The following FHOD3 variants were observed in gnomAD, a reference collection of about 807,000 sequenced individuals.
FHOD3 encodes the protein formin homology 2 domain containing 3.
In FHOD3, 90 loss-of-function variants were observed where a neutral mutation model predicts 173.0. The observed-to-expected ratio is 0.52, with a 90% confidence interval of 0.44 to 0.62. The LOEUF is 0.62. FHOD3 is among the 20% of genes least tolerant of loss of function. The pLI, the probability that FHOD3 is intolerant of heterozygous loss-of-function variation, is 0.00. For synonymous variants in FHOD3, 828 were observed against 823.0 expected, an observed-to-expected ratio of 1.01 and a Z score of -0.10; for missense variants, 1,945 against 2,034.7, an observed-to-expected ratio of 0.96 and a Z score of 0.85.
At chr18:36,406,095 GT>G (rs869207082) in intron 3 of FHOD3, among the ~76,000 whole-genome samples, 2 of 120,066 alleles carry the variant, frequency 1.7e-5, no homozygotes, top group South Asian at 3.3e-4. Flanking sequence ...TTTTGTTTTT[GT>G]TTTTTTGTTT....
chr18:36,456,280 A>G lies in FHOD3; in HGVS notation c.338-45652A>G, dbSNP rs561310963. Among the ~76,000 whole-genome samples the G allele has an allele frequency of 2.6e-5, 4 of 152,198 alleles. No homozygotes were observed. In the East Asian group the frequency reaches 5.8e-4, roughly 22 times the overall value. On this transcript the variant is annotated intron_variant, in intron 3 of 28. Coordinates refer to ENST00000590592, the MANE Select transcript of FHOD3 (RefSeq NM_001281740.3). ...GATCTGTGACAAATCAACTTCTGACATTGATTGTAAGGGAGTAGTTTTCCA... is the reference window on the plus strand; with the variant it reads ...GATCTGTGACAAATCAACTTCTGACGTTGATTGTAAGGGAGTAGTTTTCCA...
chr18:36,340,729 C>T (rs566945297), intron 1 of FHOD3, among the ~76,000 whole-genome samples: 24 of 152,014 alleles, frequency 1.6e-4, no homozygotes, highest in Non-Finnish European at 1.9e-4. Context: ...CTCCGCCTTC[C>T]GGGTTCATGC....
chr18:36,299,936 G>A (rs957483835), intron 1 of FHOD3, among the ~76,000 whole-genome samples: 7 of 152,224 alleles, frequency 4.6e-5, no homozygotes, highest in African/African-American at 1.7e-4. Context: ...TAAAGCAGAA[G>A]TCAGGGCATT....
intron 3 of FHOD3, among the ~76,000 whole-genome samples, chr18:36,394,719 G>C (rs1200946925): frequency 6.6e-6 from 1 of 152,164 alleles, no homozygotes; most frequent in Admixed American, 6.5e-5. Flanking sequence ...CCCCAGGCCT[G>C]TAATCAACTA....
At chr18:36,511,505 A>C (rs982235902) in intron 4 of FHOD3, among the ~76,000 whole-genome samples, 1 of 152,234 alleles carries the variant, frequency 6.6e-6, no homozygotes, top group African/African-American at 2.4e-5. Context: ...GCCCCACCCC[A>C]GAAATTTGGA....
chr18:36,484,516 C>A (rs1005157650), intron 3 of FHOD3, among the ~76,000 whole-genome samples: 3 of 152,158 alleles, frequency 2.0e-5, no homozygotes, highest in South Asian at 2.1e-4. Context: ...TACTAAAAAT[C>A]TAGTAGCCTT....
chr18:36,669,619 A>G (rs557496179), intron 14 of FHOD3, among the ~76,000 whole-genome samples: 1 of 152,064 alleles, frequency 6.6e-6, no homozygotes, highest in East Asian at 1.9e-4. Context: ...GTCTACCTTT[A>G]AGTGATAGTA....
At chr18:36,476,267 C>T (rs555711378) in intron 3 of FHOD3, among the ~76,000 whole-genome samples, 1 of 152,292 alleles carries the variant, frequency 6.6e-6, no homozygotes, top group East Asian at 1.9e-4. Context: ...GAGCGTCTCA[C>T]AGGCTGTCAG....
intron 14 of FHOD3, among the ~76,000 whole-genome samples, chr18:36,664,043 A>T (rs932938061): frequency 1.3e-5 from 2 of 152,098 alleles, no homozygotes; most frequent in Non-Finnish European, 2.9e-5. Flanking sequence ...TGGATCCCAG[A>T]TGCTTGCTGG....
intron 10 of FHOD3, among the ~76,000 whole-genome samples, chr18:36,645,686 C>A (rs1173458790): frequency 1.3e-5 from 2 of 152,000 alleles, no homozygotes; most frequent in South Asian, 2.1e-4. Flanking sequence ...GTAAAAAATT[C>A]TTAATAAATT....
At chr18:36,507,568 G>A (rs1390312342) in intron 4 of FHOD3, among the ~76,000 whole-genome samples, 3 of 152,160 alleles carry the variant, frequency 2.0e-5, no homozygotes, top group Admixed American at 6.5e-5. Context: ...CAGGCCTTTC[G>A]TGCCTAGCAT....
At chr18:36,740,176 T>C (rs2041836660) in intron 20 of FHOD3, among the ~76,000 whole-genome samples, 1 of 152,218 alleles carries the variant, frequency 6.6e-6, no homozygotes, top group Admixed American at 6.5e-5. Context: ...ACCGTCATGA[T>C]TTTTTCTGCA....
chr18:36,355,479 C>T, intron 1 of FHOD3, 60 bp from the exon 2 acceptor site: 1 of 1,362,088 alleles, frequency 7.3e-7, no homozygotes, highest in Non-Finnish European at 1.0e-6. Context: ...GATGTGATTT[C>T]TCCATATGTA....
intron 14 of FHOD3, among the ~76,000 whole-genome samples, chr18:36,680,560 T>C (rs925123324): frequency 2.0e-5 from 3 of 152,266 alleles, no homozygotes; most frequent in African/African-American, 7.2e-5. Context: ...GTCATACGGT[T>C]ACTTGATTTT....
At chr18:36,300,543 T>G (rs1269890521) in intron 1 of FHOD3, among the ~76,000 whole-genome samples, 1 of 152,150 alleles carries the variant, frequency 6.6e-6, no homozygotes, top group East Asian at 1.9e-4. Flanking sequence ...CTGCCACCAG[T>G]GAGGCTTTTT....
chr18:36,370,196 C>G (rs917079923), intron 2 of FHOD3, among the ~76,000 whole-genome samples: 1 of 152,090 alleles, frequency 6.6e-6, no homozygotes, highest in African/African-American at 2.4e-5. Flanking sequence ...AGCCTGCTTC[C>G]ACCATCCTTG....
rs568348453 is a variant in FHOD3 at position 36,519,881 on chromosome 18, G to C, written c.511+7338G>C. 6.7e-4 allele frequency among the ~76,000 whole-genome samples: 102 copies of C among 151,674 alleles called. 2 individuals carry two copies. Among genetic ancestry groups the C allele is most frequent in the African/African-American group, 2.1e-3 (86 of 41,350 alleles). On this transcript the variant is annotated intron_variant, in intron 5 of 28. Coordinates refer to ENST00000590592, the MANE Select transcript of FHOD3 (RefSeq NM_001281740.3). Reference sequence around the variant, plus strand: ...GGTTTTCCCTCTTACTCTCTTCCAAGGTATTTTTTCCTGTGATTAGTGAAT... The same window carrying C: ...GGTTTTCCCTCTTACTCTCTTCCAACGTATTTTTTCCTGTGATTAGTGAAT...
chr18:36,351,115 A>C (rs1387986436), intron 1 of FHOD3, among the ~76,000 whole-genome samples: 1 of 152,160 alleles, frequency 6.6e-6, no homozygotes, highest in Non-Finnish European at 1.5e-5. Context: ...CTGTCTTCAC[A>C]GCCCCTGTGT....
At chr18:36,688,244 T>C (rs2038752876) in intron 16 of FHOD3, among the ~76,000 whole-genome samples, 1 of 152,194 alleles carries the variant, frequency 6.6e-6, no homozygotes, top group Non-Finnish European at 1.5e-5. Context: ...CATGGAGAGA[T>C]GGAAAGACTG....
Sources: gnomAD v4.1 joint callset for allele counts (sites outside exome capture counted in the v4.1 genomes callset) on GRCh38, gnomAD v4.1.1 for gene constraint, MANE v1.5 for transcripts, NCBI Gene and HGNC (gene_info 2026-07-23, HGNC 2026-07-21) for gene names.